MARCHF6: variants seen among roughly 807,000 people sequenced by gnomAD.
The protein encoded by MARCHF6 is membrane associated ring-CH-type finger 6, also known as E3 ubiquitin-protein ligase MARCHF6.
In MARCHF6, 31 loss-of-function variants were observed where a neutral mutation model predicts 133.7. The observed-to-expected ratio is 0.23, with a 90% CI of 0.17 to 0.31. The LOEUF (loss-of-function observed/expected upper bound fraction) is 0.31, where lower values mean the gene tolerates loss of function less well. Ranked by LOEUF, MARCHF6 falls within the 10% of genes least tolerant of loss-of-function variation. MARCHF6 has a pLI of 1.00. For missense variants in MARCHF6, 723 were observed against 1,121.6 expected (o/e 0.64, Z 5.08); for synonymous variants, 395 against 402.5 (o/e 0.98, Z 0.22).
chr5:10,426,382 T>C lies in MARCHF6; in HGVS notation c.2374-8T>C. 1 of 1,612,020 alleles carries C rather than the reference T, an allele frequency of 6.2e-7. No homozygotes were observed. The highest frequency in any genetic ancestry group is 1.1e-5 in the South Asian group (1 of 90,584). On this transcript the variant is annotated splice_polypyrimidine_tract_variant and splice_region_variant and intron_variant, in intron 23 of 25. Coordinates refer to ENST00000274140, the MANE Select transcript of MARCHF6 (RefSeq NM_005885.4). Reference sequence around the variant, plus strand: ...TCTTTGTTCTAATTGCTTTTTGTAATGTTTCAGGTTTACGCAAATGGCATC... The same window carrying C: ...TCTTTGTTCTAATTGCTTTTTGTAACGTTTCAGGTTTACGCAAATGGCATC...
chr5:10,394,538 G>A lies in MARCHF6; in HGVS notation c.829-215G>A, dbSNP rs948999130. Among the ~76,000 whole-genome samples, 4 of 152,104 alleles carry A rather than the reference G, an allele frequency of 2.6e-5. No individual in the cohort carries two copies. In the South Asian group the frequency reaches 8.3e-4, roughly 31 times the overall value. ...AATTGTTTTAGACTTTATAAATCATGTAATTTTGAATAAAAGGAGACCCAA... is the reference window on the plus strand; with the variant it reads ...AATTGTTTTAGACTTTATAAATCATATAATTTTGAATAAAAGGAGACCCAA... On this transcript the variant is annotated intron_variant, in intron 8 of 25. Transcript: ENST00000274140.
intron 3 of MARCHF6, among the ~76,000 whole-genome samples, chr5:10,379,472 T>C (rs75102692): frequency 1.3e-5 from 2 of 151,936 alleles, no homozygotes; most frequent in Admixed American, 6.6e-5. Flanking sequence ...TTTTTTTTTT[T>C]TGAGACAGAA....
intron 1 of MARCHF6, among the ~76,000 whole-genome samples, chr5:10,361,399 C>G (rs1248604935): frequency 1.3e-5 from 2 of 152,106 alleles, no homozygotes; most frequent in Admixed American, 6.5e-5. Context: ...TGTTGGTAGG[C>G]CTGGTTTCTT....
rs1437493690 is a variant in MARCHF6, at chr5:10,437,559, T to C, written c.*3875T>C. 1 of 152,218 alleles carries C rather than the reference T, an allele frequency of 6.6e-6. No homozygotes were observed. The highest frequency in any genetic ancestry group is 1.5e-5 in the Non-Finnish European group (1 of 68,036). 9.4% of individuals were successfully genotyped at this position (152,218 alleles called of 1,614,324 possible). On this transcript the variant is annotated 3_prime_UTR_variant, in exon 26 of 26. Transcript: ENST00000274140. ...TTAATACGACATAAAGACAAGACAG[T>C]ATATGTATGTTTTCATTCCTGTTTT...
rs1023708721 is a variant in MARCHF6 at position 10,435,439 on chromosome 5, CTT to C, written c.*1757_*1758del. On this transcript the variant is annotated 3_prime_UTR_variant, in exon 26 of 26. Coordinates refer to ENST00000274140, the MANE Select transcript of MARCHF6 (RefSeq NM_005885.4). ...TTGACATAGGATTCAGTGTTATACT[CTT>C]TGGCACTTTAGAGCAGCCTTTTCTC... 2.7e-5 allele frequency: 4 copies of C among 150,200 alleles called. No homozygotes were observed. The highest frequency in any genetic ancestry group is 9.8e-5 in the African/African-American group (4 of 40,896). The allele number at this position is 150,200 out of a possible 1,614,324, so 9.3% of individuals were successfully genotyped here. A position where few individuals can be genotyped will look rare whatever the true frequency, so the allele number is the denominator to read the frequency against.
In MARCHF6 at chr5:10,403,467, A is replaced by G; in HGVS notation, c.1258A>G (p.Thr420Ala). The G allele has an allele frequency of 1.2e-6, 2 of 1,613,916 alleles. No homozygotes were observed. The highest frequency in any genetic ancestry group is 1.7e-6 in the Non-Finnish European group (2 of 1,179,870). ...GAGCTTTCAGTCGGCTCCAGGTACTACCATGTTTCTGCATTGGCTAGTGGG... is the reference window on the plus strand; with the variant it reads ...GAGCTTTCAGTCGGCTCCAGGTACTGCCATGTTTCTGCATTGGCTAGTGGG... ...ELSFQSAPGT[T>A]MFLHWLVGMV... Residue 420 changes from threonine (T) to alanine (A), a missense_variant, in exon 15 of 26, where the codon ACC becomes GCC. Transcript: ENST00000274140.
Position 10,407,093 on chromosome 5 carries a change from C to T in MARCHF6, c.1453-9C>T, listed in dbSNP as rs1407291269. The T allele has an allele frequency of 1.3e-6, 2 of 1,552,852 alleles. No homozygotes were observed. The highest frequency in any genetic ancestry group is 1.8e-6 in the Non-Finnish European group (2 of 1,125,682). On this transcript the variant is annotated splice_polypyrimidine_tract_variant and intron_variant, in intron 16 of 25. Transcript: ENST00000274140. Reference sequence around the variant, plus strand: ...TTATAGTGGTGTCATACCCTGTTTCCTTCTGCAGATTGTCTTTGGCTCCAT... The same window carrying T: ...TTATAGTGGTGTCATACCCTGTTTCTTTCTGCAGATTGTCTTTGGCTCCAT...
chr5:10,363,314 A>G (rs76811398), intron 1 of MARCHF6, among the ~76,000 whole-genome samples: 7,689 of 152,302 alleles, frequency 0.05, 660 homozygotes, highest in African/African-American at 0.17. Flanking sequence ...GAACTCAGTA[A>G]TAAGAAAACA....
intron 12 of MARCHF6, 110 bp from the exon 13 acceptor site, chr5:10,402,274 C>CT: frequency 8.4e-7 from 1 of 1,194,062 alleles, no homozygotes; most frequent in Admixed American, 1.8e-5. Flanking sequence ...TCAGTGTGGA[C>CT]AAAATGTGAA....
intron 24 of MARCHF6, 59 bp downstream of exon 24, chr5:10,426,581 CTT>C: frequency 6.4e-7 from 1 of 1,556,298 alleles, no homozygotes; most frequent in East Asian, 2.3e-5. Context: ...TGGACATTCT[CTT>C]TACCCCTAGT....
intron 22 of MARCHF6, among the ~76,000 whole-genome samples, chr5:10,420,351 A>G (rs975605360): frequency 2.0e-5 from 3 of 152,130 alleles, no homozygotes; most frequent in African/African-American, 7.2e-5. Flanking sequence ...GGTATGTTAC[A>G]TTGCAGTGTG....
chr5:10,397,415 T>C, intron 10 of MARCHF6, 71 bp downstream of exon 10: 3 of 1,106,468 alleles, frequency 2.7e-6, no homozygotes, highest in East Asian at 4.8e-5. Flanking sequence ...AGCCTTGTTA[T>C]AGGTTTATTA....
intron 4 of MARCHF6, among the ~76,000 whole-genome samples, chr5:10,382,378 A>G (rs1253205275): frequency 6.6e-6 from 1 of 150,690 alleles, no homozygotes; most frequent in Non-Finnish European, 1.5e-5. Context: ...GAGGCAGGAG[A>G]ATTGCTTAAA....
rs1040188302 is a variant in MARCHF6, at chr5:10,377,877, G to A, written c.99G>A (p.Lys33=). The A allele has an allele frequency of 1.6e-5, 25 of 1,611,356 alleles. No homozygotes were observed. Among genetic ancestry groups the A allele is most frequent in the South Asian group, 2.2e-5 (2 of 91,028 alleles). ...CTTGTGTATGTACTGGCAGTATTAA[G>A]TTTATCCATCAAGAATGGTAAGTCA... ...YHPCVCTGSI[K]FIHQECLVQW... Residue 33 remains lysine, a synonymous_variant, in exon 2 of 26, where the codon AAG becomes AAA. Transcript: ENST00000274140.
At chr5:10,429,867 A>C (rs2126366677) in intron 24 of MARCHF6, 26 bp from the exon 25 acceptor site, 2 of 1,601,374 alleles carry the variant, frequency 1.2e-6, no homozygotes, top group African/African-American at 1.3e-5. Context: ...ACATACACTG[A>C]AAGTTTTTCT....
intron 23 of MARCHF6, 33 bp downstream of exon 23, chr5:10,423,857 C>A (rs749153785): frequency 6.7e-7 from 1 of 1,496,988 alleles, no homozygotes; most frequent in East Asian, 2.3e-5. Context: ...GAAAGACATT[C>A]TGGAATTGGT....
In MARCHF6 at chr5:10,411,352, T is replaced by A; in HGVS notation, c.1711T>A (p.Leu571Met). 1 of 1,614,178 alleles carries A rather than the reference T, an allele frequency of 6.2e-7. No individual in the cohort carries two copies. Among genetic ancestry groups the A allele is most frequent in the South Asian group, 1.1e-5 (1 of 91,084 alleles). ...GCACAGGGATCTTCATTCTTATTTA[T>A]TGGGAGACCAGGAAGAAAATGAAAA... ...GYLLDLHSYL[L>M]GDQEENENSA... The change falls in exon 19 of 26, where the codon TTG becomes ATG. Residue 571 changes from leucine to methionine, a missense_variant. Leu to Met is a conservative substitution (Grantham distance 15). Around this residue, in one of 4 missense-constraint regions of MARCHF6, gnomAD observed 492 missense variants for 699.5 expected, o/e 0.70. Coordinates refer to ENST00000274140, the MANE Select transcript of MARCHF6 (RefSeq NM_005885.4).
At position 10,435,350 on chromosome 5, in the gene MARCHF6, T is replaced by C. The variant is rs1318060676; in HGVS notation, c.*1666T>C. On this transcript the variant is annotated 3_prime_UTR_variant, in exon 26 of 26. Transcript: ENST00000274140. ...CCTGGCACACAAGGAGGCGAGGCTA[T>C]GCGTTCGAGGCCAACCTAGGCAAAA... 6.7e-6 allele frequency: 1 copy of C among 150,244 alleles called. No homozygotes were observed. Among genetic ancestry groups the C allele is most frequent in the African/African-American group, 2.5e-5 (1 of 40,506 alleles). The allele number at this position is 150,244 out of a possible 1,614,324, so 9.3% of individuals were successfully genotyped here.
At chr5:10,386,601 T>C (rs1037681738) in intron 4 of MARCHF6, among the ~76,000 whole-genome samples, 60 of 152,364 alleles carry the variant, frequency 3.9e-4, no homozygotes, top group African/African-American at 1.4e-3. Flanking sequence ...CAAAGACTTA[T>C]ACCTCCAAAA....
Sources: gnomAD v4.1 joint callset for allele counts (sites outside exome capture counted in the v4.1 genomes callset) on GRCh38, gnomAD v4.1.1 for gene constraint, gnomAD v4.1.1 regional missense constraint, MANE v1.5 for transcripts, NCBI Gene and HGNC (gene_info 2026-07-23, HGNC 2026-07-21) for gene names.